CBR4: variants seen among roughly 807,000 people sequenced by gnomAD.
CBR4 encodes the protein carbonyl reductase 4, also known as 3-oxoacyl-[acyl-carrier-protein] reductase.
Under a neutral mutation model 21.0 loss-of-function variants are expected in CBR4, and 22 were observed. The ratio of observed to expected loss-of-function variants is 1.05; its 90% CI spans 0.75 to 1.50. CBR4 has a LOEUF of 1.50. CBR4 is among the 40% of genes most tolerant of loss of function. CBR4 has a pLI of 0.00. For synonymous variants in CBR4, 100 were observed against 104.4 expected (o/e 0.96, Z 0.26); for missense variants, 302 against 286.3 (o/e 1.05, Z -0.40).
chr4:168,913,051 CT>C (rs917134246), intron 2 of CBR4, among the ~76,000 whole-genome samples: 8 of 152,126 alleles, frequency 5.3e-5, no homozygotes, highest in African/African-American at 1.9e-4. Context: ...TGAAGCTCTC[CT>C]TATCATCCCA....
At chr4:168,991,687 A>G (rs1407279028) in intron 4 of CBR4, among the ~76,000 whole-genome samples, 1 of 152,226 alleles carries the variant, frequency 6.6e-6, no homozygotes, top group East Asian at 1.9e-4. Context: ...TTACAAGATT[A>G]ATACAGGACA....
intron 2 of CBR4, chr4:168,927,269 A>T (rs1312122631): frequency 4.3e-6 from 1 of 231,080 alleles, no homozygotes; most frequent in African/African-American, 2.2e-5. Context: ...ATTTAGATAA[A>T]AGTAGAAGGC....
At chr4:169,006,973 G>C in intron 2 of CBR4, 82 bp from the exon 3 acceptor site, 1 of 1,087,250 alleles carries the variant, frequency 9.2e-7, no homozygotes. Context: ...CATTTTTACT[G>C]AGAGTGCAAG....
intron 3 of CBR4, among the ~76,000 whole-genome samples, chr4:169,004,664 A>T (rs1322296826): frequency 6.6e-6 from 1 of 152,208 alleles, no homozygotes; most frequent in Admixed American, 6.5e-5. Flanking sequence ...TGTGACTTAC[A>T]TTCTTGACAT....
At chr4:168,918,339 T>TATAC (rs754737860) in intron 2 of CBR4, among the ~76,000 whole-genome samples, 13 of 147,124 alleles carry the variant, frequency 8.8e-5, no homozygotes, top group African/African-American at 3.3e-4. Flanking sequence ...TATATATATA[T>TATAC]ACATACATAC....
At chr4:168,943,117 CAT>C (rs1444679579) in intron 2 of CBR4, among the ~76,000 whole-genome samples, 1 of 152,172 alleles carries the variant, frequency 6.6e-6, no homozygotes, top group African/African-American at 2.4e-5. Flanking sequence ...TACCAGTGGA[CAT>C]TTATCCAAAA....
chr4:169,002,020 C>A, intron 4 of CBR4, 51 bp downstream of exon 4: 1 of 1,387,100 alleles, frequency 7.2e-7, no homozygotes, highest in South Asian at 1.5e-5. Context: ...TAATGGCTTC[C>A]CTATAAAACA....
chr4:168,991,724 A>G (rs1481305064), intron 4 of CBR4, among the ~76,000 whole-genome samples: 2 of 152,234 alleles, frequency 1.3e-5, no homozygotes, highest in Non-Finnish European at 2.9e-5. Context: ...TAAAATGCTT[A>G]GCCCATATAA....
intron 2 of CBR4, among the ~76,000 whole-genome samples, chr4:168,950,531 G>A (rs193082744): frequency 6.6e-6 from 1 of 152,244 alleles, no homozygotes; most frequent in East Asian, 1.9e-4. Context: ...CTATCTTGGA[G>A]AAAATTCCAT....
intron 2 of CBR4, among the ~76,000 whole-genome samples, chr4:168,969,516 A>AT (rs1214220593): frequency 6.6e-6 from 1 of 152,040 alleles, no homozygotes; most frequent in Non-Finnish European, 1.5e-5. Flanking sequence ...AAGCAAAGAA[A>AT]TTTTTTCTAG....
intron 4 of CBR4, among the ~76,000 whole-genome samples, chr4:168,995,077 C>T (rs1015005923): frequency 4.6e-5 from 7 of 152,076 alleles, no homozygotes; most frequent in Admixed American, 4.6e-4. Flanking sequence ...TTTAGCCCTA[C>T]AACACTACGA....
intron 2 of CBR4, among the ~76,000 whole-genome samples, chr4:168,917,752 AT>A (rs1048170747): frequency 6.6e-6 from 1 of 152,072 alleles, no homozygotes; most frequent in Non-Finnish European, 1.5e-5. Flanking sequence ...ATCATTATTT[AT>A]TTTTTACAGT....
intron 2 of CBR4, among the ~76,000 whole-genome samples, chr4:168,967,824 T>C (rs1764087814): frequency 6.6e-6 from 1 of 152,146 alleles, no homozygotes; most frequent in Admixed American, 6.5e-5. Context: ...GACAGAATAA[T>C]AATAGACACA....
At chr4:169,008,847 T>TA in intron 1 of CBR4, 1 of 397,862 alleles carries the variant, frequency 2.5e-6, no homozygotes, top group East Asian at 7.1e-5. Flanking sequence ...ACCTATAACT[T>TA]ACAGAATCTT....
intron 2 of CBR4, among the ~76,000 whole-genome samples, chr4:168,979,268 C>G (rs1173551908): frequency 6.6e-6 from 1 of 151,994 alleles, no homozygotes; most frequent in African/African-American, 2.4e-5. Context: ...AGCAGGCAGG[C>G]CCGCCATTTT....
In CBR4 at chr4:169,002,116, T is replaced by C; in HGVS notation, c.490A>G (p.Lys164Glu). Residue 164 changes from lysine (K) to glutamate (E), a missense_variant, in exon 4 of 5, where the codon AAA (lysine) becomes GAA (glutamate). Coordinates refer to ENST00000306193, the MANE Select transcript of CBR4 (RefSeq NM_032783.5). Reference sequence around the variant, plus strand: ...CTAATTTTCTTTCTTGCTACCTCTTTAGCAAGAGCACGTGAAAATCCAACT... The same window carrying C: ...CTAATTTTCTTTCTTGCTACCTCTTCAGCAAGAGCACGTGAAAATCCAACT... Reference protein sequence around the residue: ...GLVGFSRALAKEVARKKIRVN... With the variant: ...GLVGFSRALAEEVARKKIRVN... 6.2e-7 allele frequency: 1 copy of C among 1,601,762 alleles called. No individual in the cohort carries two copies. Among genetic ancestry groups the C allele is most frequent in the Non-Finnish European group, 8.5e-7 (1 of 1,174,918 alleles).
At chr4:168,910,645 A>G (rs563676365) in intron 2 of CBR4, among the ~76,000 whole-genome samples, 3 of 152,262 alleles carry the variant, frequency 2.0e-5, no homozygotes, top group Admixed American at 2.0e-4. Context: ...AATGCCTTTA[A>G]TCTTCATAAG....
intron 2 of CBR4, among the ~76,000 whole-genome samples, chr4:168,960,080 C>CT (rs1228322443): frequency 6.6e-6 from 1 of 152,018 alleles, no homozygotes; most frequent in Non-Finnish European, 1.5e-5. Context: ...TAAATGTATT[C>CT]CTAAGTGTTA....
rs771536528 is a variant in CBR4 at position 168,924,958 on chromosome 4, A to C, written n.170-30193T>G. On this transcript the variant is annotated intron_variant and non_coding_transcript_variant, in intron 2 of 3. Coordinates refer to the CBR4 transcript ENST00000509108. The stretch of plus-strand genomic sequence containing the variant: ...CCTTTTCTCCAGCATGCACCAGGAC[A>C]ACCACGGCTACATCTGCCTGCTCAT... 1.2e-5 allele frequency: 19 copies of C among 1,614,050 alleles called. No homozygotes were observed. Among genetic ancestry groups the C allele is most frequent in the Non-Finnish European group, 1.5e-5 (18 of 1,180,016 alleles).
Sources: gnomAD v4.1 joint callset for allele counts (sites outside exome capture counted in the v4.1 genomes callset) on GRCh38, gnomAD v4.1.1 for gene constraint, MANE v1.5 for transcripts, NCBI Gene and HGNC (gene_info 2026-07-23, HGNC 2026-07-21) for gene names.